The following LRP1B variants were observed in gnomAD, a reference collection of about 807,000 sequenced individuals.
LRP1B encodes the protein LDL receptor related protein 1B.
In LRP1B, 217 loss-of-function variants were observed where a neutral mutation model predicts 556.6. That is an observed-to-expected ratio of 0.39 (90% CI 0.35 to 0.44). The LOEUF is 0.44. Among genes scored for constraint, LRP1B ranks in the 20% least tolerant of loss-of-function variants. The probability of loss-of-function intolerance (pLI) is 1.00; values close to 1 mark genes in which losing one functional copy is unlikely to be tolerated. For missense variants in LRP1B, 5,053 were observed against 5,620.8 expected (o/e 0.90, Z 3.23); for synonymous variants, 2,047 against 1,865.8 (o/e 1.10, Z -2.50).
Position 141,604,407 on chromosome 2 carries a change from A to G in LRP1B, c.206-123874T>C, listed in dbSNP as rs192991401. On this transcript the variant is annotated intron_variant, in intron 2 of 90. Coordinates refer to ENST00000389484, the MANE Select transcript of LRP1B (RefSeq NM_018557.3). ...TAAGGGATTAAAAATACTACTATTG[A>G]TAGAGGCAGGAGACAGACAAATCCT... 2.0e-5 allele frequency among the ~76,000 whole-genome samples: 3 copies of G among 152,174 alleles called. No homozygotes were observed. In the East Asian group the frequency reaches 5.8e-4, roughly 30 times the overall value.
At chr2:141,230,210 C>T (rs1683407833) in intron 5 of LRP1B, among the ~76,000 whole-genome samples, 1 of 152,060 alleles carries the variant, frequency 6.6e-6, no homozygotes, top group Admixed American at 6.5e-5. Context: ...CAATCATATT[C>T]AGAGTAACTT....
In LRP1B at chr2:141,445,401, G is replaced by GT. The variant is rs1265420924; in HGVS notation, c.343+34994dup. On this transcript the variant is annotated intron_variant, in intron 3 of 90. Transcript: ENST00000389484. ...CCTGCATTCATTGAATTTTTGAAGG[G>GT]TTTTTTGTGTCTCTATCTCCTTCAG... Among the ~76,000 whole-genome samples, 15 of 152,180 alleles carry GT rather than the reference G, an allele frequency of 9.9e-5. No individual in the cohort carries two copies. In the South Asian group the frequency reaches 1.5e-3, roughly 15 times the overall value.
rs77380155 is a variant in LRP1B at position 140,698,643 on chromosome 2, G to T, written c.6799+1607C>A. Among the ~76,000 whole-genome samples the T allele has an allele frequency of 8.8e-3, 1,336 of 152,118 alleles. 19 individuals are homozygous for T. The highest frequency in any genetic ancestry group is 0.03 in the African/African-American group (1,252 of 41,516). On this transcript the variant is annotated intron_variant, in intron 41 of 90. Transcript: ENST00000389484. ...CTCCCGAAGTTGTGTAATTGGAAAA[G>T]AGAGGAGCGTTTTAATAATAGCCTT...
At chr2:142,000,049 T>A (rs1455118767) in intron 1 of LRP1B, among the ~76,000 whole-genome samples, 2 of 150,312 alleles carry the variant, frequency 1.3e-5, no homozygotes, top group Non-Finnish European at 3.0e-5. Flanking sequence ...TGATATATAC[T>A]TATAAAAATC....
rs377519187 is a variant in LRP1B at position 141,556,865 on chromosome 2, A to G, written c.206-76332T>C. On this transcript the variant is annotated intron_variant, in intron 2 of 90. Coordinates refer to ENST00000389484, the MANE Select transcript of LRP1B (RefSeq NM_018557.3). ...TGAGAGAAGTTAAGTAATTTGCTCC[A>G]GGTCCCATAGCAAGTAAGCCAGAAA... Among the ~76,000 whole-genome samples the G allele has an allele frequency of 2.3e-3, 356 of 151,950 alleles. 3 individuals carry two copies. The highest frequency in any genetic ancestry group is 8.3e-3 in the African/African-American group (343 of 41,512).
At chr2:141,164,905 C>T (rs1413630985) in intron 7 of LRP1B, among the ~76,000 whole-genome samples, 3 of 151,974 alleles carry the variant, frequency 2.0e-5, no homozygotes, top group Admixed American at 6.6e-5. Flanking sequence ...AAGTTACTAA[C>T]CCTTATTTTT....
chr2:141,393,016 C>A (rs370696053), intron 3 of LRP1B, among the ~76,000 whole-genome samples: 1 of 152,176 alleles, frequency 6.6e-6, no homozygotes, highest in Admixed American at 6.5e-5. Flanking sequence ...AATTGAAAAT[C>A]TTTCTATCTA....
At chr2:140,939,206 A>G (rs1028652041) in intron 20 of LRP1B, among the ~76,000 whole-genome samples, 1 of 152,108 alleles carries the variant, frequency 6.6e-6, no homozygotes, top group Non-Finnish European at 1.5e-5. Context: ...TCCCAGTATC[A>G]AATATCATGC....
In LRP1B at chr2:140,851,675, G is replaced by T; in HGVS notation, c.4688C>A (p.Ser1563Tyr). ...ACCATAGCAGGTCTTCTTGTCTGAA[G>T]AAAGCTTCATCAAGTGGGGGCACGC... ...ACACPHLMKL[S>Y]SDKKTCYEMK... Residue 1563 changes from serine to tyrosine, a missense_variant, in exon 28 of 91, where the codon TCT becomes TAT. Physicochemically the swap from Ser to Tyr is moderately radical, Grantham distance 144. This residue lies in a region of LRP1B where 3,619 missense variants were observed against 3,931.9 expected (regional missense o/e 0.92). Transcript: ENST00000389484. The T allele has an allele frequency of 6.2e-7, 1 of 1,610,558 alleles. No homozygotes were observed. Among genetic ancestry groups the T allele is most frequent in the South Asian group, 1.1e-5 (1 of 90,188 alleles).
At chr2:141,855,070 G>A (rs150962568) in intron 1 of LRP1B, among the ~76,000 whole-genome samples, 1 of 151,940 alleles carries the variant, frequency 6.6e-6, no homozygotes, top group Non-Finnish European at 1.5e-5. Context: ...TCTTTCAAAG[G>A]CAAGGTGTTG....
chr2:141,764,221 C>T (rs1694658563), intron 2 of LRP1B, among the ~76,000 whole-genome samples: 1 of 152,008 alleles, frequency 6.6e-6, no homozygotes, highest in Non-Finnish European at 1.5e-5. Context: ...TGCTCTCACG[C>T]CCAGGCTGGA....
intron 6 of LRP1B, among the ~76,000 whole-genome samples, chr2:141,218,672 AC>A (rs949888713): frequency 3.9e-5 from 6 of 152,230 alleles, no homozygotes; most frequent in Admixed American, 1.3e-4. Context: ...CCTATTGGAT[AC>A]TACATTCACT....
chr2:140,744,170 A>G (rs1688242411), intron 35 of LRP1B, among the ~76,000 whole-genome samples: 1 of 152,050 alleles, frequency 6.6e-6, no homozygotes. Flanking sequence ...GGTTATCATT[A>G]TACAAAACAT....
intron 11 of LRP1B, among the ~76,000 whole-genome samples, chr2:141,042,856 C>G (rs896396224): frequency 2.6e-5 from 4 of 151,718 alleles, no homozygotes; most frequent in Admixed American, 1.3e-4. Flanking sequence ...AAACTTGCAT[C>G]TAATTATAAT....
chr2:140,277,085 C>CT (rs149217039), intron 84 of LRP1B, among the ~76,000 whole-genome samples: 5,073 of 150,316 alleles, frequency 0.034, 135 homozygotes, highest in Non-Finnish European at 0.045. Context: ...TTTTGAAGCG[C>CT]TTTTTTTTTA....
intron 43 of LRP1B, among the ~76,000 whole-genome samples, chr2:140,558,246 C>T (rs1680805347): frequency 6.6e-6 from 1 of 152,076 alleles, no homozygotes; most frequent in Admixed American, 6.6e-5. Flanking sequence ...TATGGCCGAA[C>T]AAATCCGAGT....
At chr2:140,661,504 T>TAAAAA (rs71408466) in intron 41 of LRP1B, among the ~76,000 whole-genome samples, 1 of 122,598 alleles carries the variant, frequency 8.2e-6, no homozygotes, top group Admixed American at 8.2e-5. Flanking sequence ...TACAAATAAT[T>TAAAAA]AAAAAAAAAA....
chr2:141,077,140 C>T (rs773823338), intron 7 of LRP1B, among the ~76,000 whole-genome samples: 33 of 151,990 alleles, frequency 2.2e-4, no homozygotes, highest in Non-Finnish European at 4.3e-4. Context: ...CGCAGCTACT[C>T]GGGAGGCTGA....
At chr2:142,024,233 T>C (rs1349248361) in intron 1 of LRP1B, among the ~76,000 whole-genome samples, 1 of 152,228 alleles carries the variant, frequency 6.6e-6, no homozygotes, top group African/African-American at 2.4e-5. Flanking sequence ...TTAAGATGTC[T>C]GTACATCTGA....
Sources: allele counts gnomAD v4.1 joint callset (sites outside exome capture counted in the v4.1 genomes callset), GRCh38; gene constraint gnomAD v4.1.1; regional missense constraint gnomAD v4.1.1; transcripts MANE v1.5; gene names NCBI Gene and HGNC (gene_info 2026-07-23, HGNC 2026-07-21).